Variants in GALNT13 observed in about 807,000 individuals in gnomAD.
GALNT13 encodes polypeptide N-acetylgalactosaminyltransferase 13, also known as UDP-GalNAc:polypeptide N-acetylgalactosaminyltransferase 13.
Under a neutral mutation model 64.2 loss-of-function variants are expected in GALNT13, and 28 were observed. The ratio of observed to expected loss-of-function variants is 0.44; its 90% CI spans 0.32 to 0.60. The LOEUF (loss-of-function observed/expected upper bound fraction) is 0.60, where lower values mean the gene tolerates loss of function less well. Ranked by LOEUF, GALNT13 falls within the 20% of genes least tolerant of loss-of-function variation. GALNT13 has a pLI of 0.05. For synonymous variants in GALNT13, 214 were observed against 224.6 expected, an observed-to-expected ratio of 0.95 and a Z score of 0.42; for missense variants, 577 against 669.8, an observed-to-expected ratio of 0.86 and a Z score of 1.53.
chr2:154,306,841 C>T (rs1693768418), intron 9 of GALNT13, among the ~76,000 whole-genome samples: 1 of 152,026 alleles, frequency 6.6e-6, no homozygotes, highest in African/African-American at 2.4e-5. Flanking sequence ...GATATAATCC[C>T]CAGGAGCATT....
chr2:153,899,346 A>G (rs540690551), intron 1 of GALNT13, among the ~76,000 whole-genome samples: 1 of 152,308 alleles, frequency 6.6e-6, no homozygotes, highest in African/African-American at 2.4e-5. Context: ...TGAATATGCT[A>G]AAGTATGAAG....
chr2:154,147,775 G>A (rs1313483526), intron 4 of GALNT13, among the ~76,000 whole-genome samples: 1 of 151,668 alleles, frequency 6.6e-6, no homozygotes, highest in Non-Finnish European at 1.5e-5. Flanking sequence ...AATCTACCTG[G>A]TAATCATATT....
At chr2:154,036,919 C>T (rs548085312) in intron 3 of GALNT13, among the ~76,000 whole-genome samples, 61 of 152,174 alleles carry the variant, frequency 4.0e-4, no homozygotes, top group South Asian at 2.9e-3. Context: ...AAAAAAATCT[C>T]CCCAAGTGAT....
rs538241812 is a variant in GALNT13 at position 154,420,805 on chromosome 2, T to C, written c.1395+11723T>C. On this transcript the variant is annotated intron_variant, in intron 11 of 12. Transcript: ENST00000392825. ...TCAGTTTATTATTTTCTAGGTAAGG[T>C]AAATAATGTCTGTGATTTCTAAATT... 2.6e-4 allele frequency among the ~76,000 whole-genome samples: 40 copies of C among 152,156 alleles called. No homozygotes were observed. The South Asian group carries it at 7.7e-3, about 29-fold the overall frequency.
the GALNT13 span, among the ~76,000 whole-genome samples, chr2:153,484,756 A>C: frequency 6.6e-6 from 1 of 152,296 alleles, no homozygotes; most frequent in East Asian, 1.9e-4. Flanking sequence ...AAAATCTTCC[A>C]AATGATTCAA....
chr2:153,369,010 G>A, the GALNT13 span, among the ~76,000 whole-genome samples: 1 of 151,640 alleles, frequency 6.6e-6, no homozygotes, highest in Non-Finnish European at 1.5e-5. Context: ...AGAATTAATA[G>A]CAGAAAGACA....
At chr2:153,186,496 A>G in the GALNT13 span, among the ~76,000 whole-genome samples, 2 of 151,768 alleles carry the variant, frequency 1.3e-5, no homozygotes, top group East Asian at 3.9e-4. Context: ...TCCTGCCATC[A>G]TGATGCTAGC....
At chr2:153,301,877 TTGTGTGTGTG>T in the GALNT13 span, among the ~76,000 whole-genome samples, 141 of 146,170 alleles carry the variant, frequency 9.6e-4, 1 homozygote, top group Admixed American at 1.4e-3. Flanking sequence ...GTATTCCACT[TTGTGTGTGTG>T]TGTGTGTGTG....
At chr2:154,243,013 T>C in intron 6 of GALNT13, 108 bp downstream of exon 6, 1 of 864,918 alleles carries the variant, frequency 1.2e-6, no homozygotes, top group South Asian at 1.9e-5. Flanking sequence ...AGAAGGTTTA[T>C]TTTATAGCTT....
chr2:153,535,180 G>A, the GALNT13 span, among the ~76,000 whole-genome samples: 19 of 152,026 alleles, frequency 1.2e-4, no homozygotes, highest in Admixed American at 5.2e-4. Context: ...AACATTTGCC[G>A]TATAGAATGA....
the GALNT13 span, among the ~76,000 whole-genome samples, chr2:153,077,739 T>C: frequency 6.6e-6 from 1 of 152,190 alleles, no homozygotes; most frequent in East Asian, 1.9e-4. Context: ...TTAAGGAAGT[T>C]TATTTGAATA....
At chr2:153,227,209 T>A in the GALNT13 span, among the ~76,000 whole-genome samples, 1 of 152,218 alleles carries the variant, frequency 6.6e-6, no homozygotes, top group East Asian at 1.9e-4. Context: ...ACTAAAATTA[T>A]AATTCTCCAA....
At chr2:154,122,246 T>G (rs909847781) in intron 3 of GALNT13, among the ~76,000 whole-genome samples, 1 of 151,990 alleles carries the variant, frequency 6.6e-6, no homozygotes, top group African/African-American at 2.4e-5. Context: ...TGAAATAATC[T>G]TTTTTATTAT....
chr2:153,769,758 C>G, the GALNT13 span, among the ~76,000 whole-genome samples: 19 of 152,158 alleles, frequency 1.2e-4, no homozygotes, highest in Admixed American at 5.9e-4. Flanking sequence ...TACCATATTT[C>G]TCAAAGGATT....
chr2:153,630,680 A>G, the GALNT13 span, among the ~76,000 whole-genome samples: 10 of 143,808 alleles, frequency 7.0e-5, 1 homozygote, highest in South Asian at 2.2e-3. Flanking sequence ...TAAAAAATTA[A>G]AAAAAATTAA....
the GALNT13 span, among the ~76,000 whole-genome samples, chr2:153,522,915 A>C: frequency 1.3e-4 from 20 of 152,120 alleles, no homozygotes; most frequent in African/African-American, 4.8e-4. Context: ...GTTGTATCTA[A>C]AAAGTCATTG....
In GALNT13 at chr2:154,431,260, G is replaced by A. The variant is rs1179075396; in HGVS notation, c.1396-7332G>A. On this transcript the variant is annotated intron_variant, in intron 11 of 12. Coordinates refer to ENST00000392825, the MANE Select transcript of GALNT13 (RefSeq NM_052917.4). Reference sequence around the variant, plus strand: ...ACAAGATTCAGGTCCCAATAATACAGCAATGCCTTTGCTTTCTTACTTTGT... The same window carrying A: ...ACAAGATTCAGGTCCCAATAATACAACAATGCCTTTGCTTTCTTACTTTGT... 3.9e-5 allele frequency among the ~76,000 whole-genome samples: 6 copies of A among 152,182 alleles called. No individual in the cohort carries two copies. The East Asian group carries it at 1.2e-3, about 29-fold the overall frequency.
chr2:153,335,287 G>T, the GALNT13 span, among the ~76,000 whole-genome samples: 2 of 152,184 alleles, frequency 1.3e-5, no homozygotes, highest in African/African-American at 4.8e-5. Context: ...AGCAGCTTAG[G>T]AACTGGATAA....
chr2:153,751,485 A>G, the GALNT13 span, among the ~76,000 whole-genome samples: 2 of 151,466 alleles, frequency 1.3e-5, no homozygotes, highest in Non-Finnish European at 3.0e-5. Context: ...TTCTAGTAAT[A>G]TTTGCTTTAT....
Sources: gnomAD v4.1 joint callset for allele counts (sites outside exome capture counted in the v4.1 genomes callset) on GRCh38, gnomAD v4.1.1 for gene constraint, MANE v1.5 for transcripts, NCBI Gene and HGNC (gene_info 2026-07-23, HGNC 2026-07-21) for gene names.